Variants in RBFOX1 observed in about 807,000 individuals in gnomAD.
RBFOX1 encodes RNA binding protein fox-1 homolog 1.
Under a neutral mutation model 57.7 loss-of-function variants are expected in RBFOX1, and 8 were observed. That is an observed-to-expected ratio of 0.14 (90% CI 0.08 to 0.25). RBFOX1 has a LOEUF of 0.25. Among genes scored for constraint, RBFOX1 ranks in the 10% least tolerant of loss-of-function variants. The probability of loss-of-function intolerance (pLI) is 1.00; values close to 1 mark genes in which losing one functional copy is unlikely to be tolerated. For synonymous variants in RBFOX1, 326 were observed against 222.4 expected (o/e 1.47, Z -4.15); for missense variants, 611 against 548.5 (o/e 1.11, Z -1.14).
intron 3 of RBFOX1, among the ~76,000 whole-genome samples, chr16:6,764,497 C>G (rs191628327): frequency 1.4e-4 from 21 of 152,248 alleles, no homozygotes; most frequent in Admixed American, 1.2e-3. Context: ...ATTCATCCCA[C>G]GGATGCTTAT....
chr16:5,423,694 C>T (rs568814329), intron 1 of RBFOX1, among the ~76,000 whole-genome samples: 2 of 152,212 alleles, frequency 1.3e-5, no homozygotes, highest in Non-Finnish European at 2.9e-5. Context: ...GCTGTCTGCT[C>T]TGTCCCCCCT....
intron 3 of RBFOX1, among the ~76,000 whole-genome samples, chr16:5,749,286 C>T (rs932054814): frequency 2.0e-5 from 3 of 152,154 alleles, no homozygotes; most frequent in African/African-American, 7.2e-5. Context: ...TTCTCTCTGG[C>T]TGCCCTTAAC....
At position 7,671,612 on chromosome 16, in the gene RBFOX1, G is replaced by A. The variant is rs778680847; in HGVS notation, c.931-5162G>A. On this transcript the variant is annotated intron_variant, in intron 13 of 15. Transcript: ENST00000550418. ...TAAATTGCTGCAGGTATGAAATCCCGACTGGTGGAGAAACTCATCACTATG... is the reference window on the plus strand; with the variant it reads ...TAAATTGCTGCAGGTATGAAATCCCAACTGGTGGAGAAACTCATCACTATG... 21 of 1,605,628 alleles carry A rather than the reference G, an allele frequency of 1.3e-5. No individual in the cohort carries two copies. The South Asian group carries it at 2.0e-4, about 15-fold the overall frequency.
chr16:7,460,387 ATATG>A lies in RBFOX1; in HGVS notation c.28-57758_28-57755del, dbSNP rs755235348. ...TTTAGCAAAATATATATATATATAT[ATATG>A]TGTGTGTGTGTGTGTGTGTGTGTGT... is the stretch of plus-strand genomic sequence containing the variant. On this transcript the variant is annotated intron_variant, in intron 4 of 15. Coordinates refer to ENST00000550418, the MANE Select transcript of RBFOX1 (RefSeq NM_018723.4). Among the ~76,000 whole-genome samples, 5 of 75,494 alleles carry A rather than the reference ATATG, an allele frequency of 6.6e-5. 1 individual carries two copies. Among genetic ancestry groups the A allele is most frequent in the South Asian group, 4.9e-4 (1 of 2,034 alleles). 49.5% of individuals were successfully genotyped at this position (75,494 alleles called of 152,430 possible). A position where few individuals can be genotyped will look rare whatever the true frequency, so the allele number is the denominator to read the frequency against.
intron 1 of RBFOX1, among the ~76,000 whole-genome samples, chr16:5,454,826 T>G (rs1483352041): frequency 6.7e-6 from 1 of 149,670 alleles, no homozygotes; most frequent in Non-Finnish European, 1.5e-5. Context: ...TTCCTTTCTT[T>G]CCTTGCTTTC....
At chr16:6,138,968 C>G (rs929188479) in intron 1 of RBFOX1, among the ~76,000 whole-genome samples, 2 of 152,164 alleles carry the variant, frequency 1.3e-5, no homozygotes, top group Non-Finnish European at 2.9e-5. Flanking sequence ...AGGAGGGAGT[C>G]ATACAAATGT....
At chr16:7,150,335 A>G (rs567153405) in intron 4 of RBFOX1, among the ~76,000 whole-genome samples, 68 of 152,280 alleles carry the variant, frequency 4.5e-4, no homozygotes, top group African/African-American at 1.5e-3. Flanking sequence ...GGTTGTGTCT[A>G]TATTAGACAG....
intron 2 of RBFOX1, among the ~76,000 whole-genome samples, chr16:5,480,641 T>G (rs984915413): frequency 6.6e-6 from 1 of 152,226 alleles, no homozygotes; most frequent in Non-Finnish European, 1.5e-5. Context: ...TATGCTAGTG[T>G]GTATGTGAGT....
intron 3 of RBFOX1, among the ~76,000 whole-genome samples, chr16:6,997,119 C>G (rs560189306): frequency 3.3e-5 from 5 of 152,188 alleles, no homozygotes; most frequent in African/African-American, 1.2e-4. Flanking sequence ...GTTTTGCCCC[C>G]AAACTTACAA....
chr16:5,430,299 C>T (rs1056453919), intron 1 of RBFOX1, among the ~76,000 whole-genome samples: 2 of 152,056 alleles, frequency 1.3e-5, no homozygotes, highest in Non-Finnish European at 2.9e-5. Context: ...CTCAAAGTGA[C>T]ACCTGAAAGA....
At chr16:5,362,704 C>A (rs1360512425) in intron 1 of RBFOX1, among the ~76,000 whole-genome samples, 1 of 152,060 alleles carries the variant, frequency 6.6e-6, no homozygotes, top group Non-Finnish European at 1.5e-5. Context: ...AACTCCCCAC[C>A]CTCTCCCCTC....
intron 4 of RBFOX1, among the ~76,000 whole-genome samples, chr16:7,104,666 G>C (rs1298466906): frequency 1.3e-5 from 2 of 152,084 alleles, no homozygotes; most frequent in African/African-American, 4.8e-5. Flanking sequence ...AAAGACACAT[G>C]TTTTCCTGTT....
chr16:6,202,172 G>T (rs184305095), intron 1 of RBFOX1, among the ~76,000 whole-genome samples: 66 of 152,330 alleles, frequency 4.3e-4, no homozygotes, highest in African/African-American at 1.5e-3. Flanking sequence ...GGAAGGGTAT[G>T]TTTGAATCCA....
At chr16:7,062,070 C>T (rs1476081703) in intron 4 of RBFOX1, among the ~76,000 whole-genome samples, 1 of 151,960 alleles carries the variant, frequency 6.6e-6, no homozygotes, top group African/African-American at 2.4e-5. Context: ...GTAATCCCAG[C>T]ACTTTGGGAG....
chr16:5,687,948 T>C (rs976604437), intron 3 of RBFOX1, among the ~76,000 whole-genome samples: 6 of 152,192 alleles, frequency 3.9e-5, no homozygotes, highest in African/African-American at 1.2e-4. Context: ...GGTTTGTTTT[T>C]CTCCTTAACT....
intron 3 of RBFOX1, among the ~76,000 whole-genome samples, chr16:6,798,429 G>C (rs527566319): frequency 7.2e-5 from 11 of 152,318 alleles, no homozygotes; most frequent in African/African-American, 7.2e-5. Flanking sequence ...TTAATAGATA[G>C]GGAGAGACAG....
intron 3 of RBFOX1, among the ~76,000 whole-genome samples, chr16:6,962,072 C>A (rs191974413): frequency 6.6e-6 from 1 of 152,198 alleles, no homozygotes; most frequent in Non-Finnish European, 1.5e-5. Context: ...CTGACACTTT[C>A]ATGATTCTGA....
chr16:6,481,539 C>T (rs766875181), intron 2 of RBFOX1, among the ~76,000 whole-genome samples: 2 of 152,176 alleles, frequency 1.3e-5, no homozygotes, highest in Non-Finnish European at 2.9e-5. Flanking sequence ...TCAAATTATT[C>T]CACTGGGCAT....
At chr16:6,158,405 T>C (rs1019873698) in intron 1 of RBFOX1, among the ~76,000 whole-genome samples, 4 of 152,284 alleles carry the variant, frequency 2.6e-5, no homozygotes, top group African/African-American at 9.6e-5. Context: ...TGGCAGCCCG[T>C]TCCAGTCTCG....
Sources: allele counts gnomAD v4.1 joint callset (sites outside exome capture counted in the v4.1 genomes callset), GRCh38; gene constraint gnomAD v4.1.1; transcripts MANE v1.5; gene names NCBI Gene and HGNC (gene_info 2026-07-23, HGNC 2026-07-21).